Variants in STRN observed in about 807,000 individuals in gnomAD.
STRN encodes protein phosphatase 2 regulatory subunit B'''alpha.
STRN carries 53 observed loss-of-function variants against 96.3 expected under a neutral mutation model. That is an observed-to-expected ratio of 0.55 (90% CI 0.44 to 0.69). The LOEUF is 0.69. Among genes scored for constraint, STRN ranks in the 30% least tolerant of loss-of-function variants. The pLI is 0.00. For synonymous variants in STRN, 428 were observed against 355.9 expected, an observed-to-expected ratio of 1.20 and a Z score of -2.28; for missense variants, 987 against 963.9, an observed-to-expected ratio of 1.02 and a Z score of -0.32.
chr2:36,912,711 T>C (rs1407257719), intron 3 of STRN, among the ~76,000 whole-genome samples: 1 of 152,204 alleles, frequency 6.6e-6, no homozygotes, highest in African/African-American at 2.4e-5. Flanking sequence ...GCCTCTCAAA[T>C]TTATGTCTCT....
intron 3 of STRN, among the ~76,000 whole-genome samples, chr2:36,914,670 G>A (rs762950067): frequency 1.3e-5 from 2 of 152,070 alleles, no homozygotes; most frequent in Non-Finnish European, 2.9e-5. Context: ...AAGTCATTTT[G>A]GAAAGTTCTT....
intron 12 of STRN, among the ~76,000 whole-genome samples, chr2:36,861,715 A>G (rs1319713776): frequency 7.6e-6 from 1 of 131,902 alleles, no homozygotes; most frequent in Non-Finnish European, 1.6e-5. Context: ...AAAAAATGCA[A>G]TGTATCATTG....
rs1207183362 is a variant in STRN, at chr2:36,844,685, T to C, written c.*4771A>G. 6.6e-6 allele frequency: 1 copy of C among 151,960 alleles called. No homozygotes were observed. The highest frequency in any genetic ancestry group is 1.5e-5 in the Non-Finnish European group (1 of 67,962). The allele number at this position is 151,960 out of a possible 1,614,324, so 9.4% of individuals were successfully genotyped here. A position where few individuals can be genotyped will look rare whatever the true frequency, so the allele number is the denominator to read the frequency against. On this transcript the variant is annotated 3_prime_UTR_variant, in exon 18 of 18. Coordinates refer to ENST00000263918, the MANE Select transcript of STRN (RefSeq NM_003162.4). ...GGCCTAACATTTGTTTTTTTTAGAA[T>C]TAAAAAAACAAAACAAAAACTGAAA... is the stretch of plus-strand genomic sequence containing the variant.
Position 36,849,313 on chromosome 2 carries a change from A to G in STRN, c.*143T>C. On this transcript the variant is annotated 3_prime_UTR_variant, in exon 18 of 18. Transcript: ENST00000263918. The stretch of plus-strand genomic sequence containing the variant: ...TTTAGAAAACAGTATATGAATTGCA[A>G]AACTATACTTCAACAAATGTTCTCT... The G allele has an allele frequency of 9.9e-7, 1 of 1,010,102 alleles. No individual in the cohort carries two copies. Among genetic ancestry groups the G allele is most frequent in the Non-Finnish European group, 1.4e-6 (1 of 705,560 alleles). The allele number at this position is 1,010,102 out of a possible 1,614,324, so 62.6% of individuals were successfully genotyped here.
intron 14 of STRN, 70 bp downstream of exon 14, chr2:36,857,786 T>G (rs532991034): frequency 2.3e-6 from 3 of 1,306,780 alleles, no homozygotes; most frequent in Non-Finnish European, 3.1e-6. Flanking sequence ...GAATCATTTA[T>G]CTGCTTGCTT....
intron 4 of STRN, among the ~76,000 whole-genome samples, chr2:36,904,436 A>C (rs1308356220): frequency 6.6e-6 from 1 of 152,236 alleles, no homozygotes; most frequent in African/African-American, 2.4e-5. Flanking sequence ...TTCAAGAACC[A>C]GGCACTGAGC....
chr2:36,895,945 G>C (rs796149937), intron 6 of STRN, among the ~76,000 whole-genome samples: 1 of 151,730 alleles, frequency 6.6e-6, no homozygotes, highest in Admixed American at 6.6e-5. Flanking sequence ...AAAAAAACAG[G>C]TGTATCTGAA....
At chr2:36,963,924 G>A (rs1665090515) in intron 1 of STRN, among the ~76,000 whole-genome samples, 1 of 151,990 alleles carries the variant, frequency 6.6e-6, no homozygotes, top group Admixed American at 6.6e-5. Context: ...GGGAGGCGGA[G>A]GTTGCAGTGA....
intron 8 of STRN, among the ~76,000 whole-genome samples, chr2:36,886,484 T>C (rs1183331318): frequency 1.3e-5 from 2 of 152,236 alleles, no homozygotes; most frequent in Non-Finnish European, 2.9e-5. Flanking sequence ...TCTGGATTTA[T>C]TATTGGGATA....
chr2:36,915,308 G>A (rs569469096), intron 3 of STRN, among the ~76,000 whole-genome samples: 1 of 134,600 alleles, frequency 7.4e-6, no homozygotes, highest in African/African-American at 2.7e-5. Context: ...TTCAGTAAAT[G>A]ATATAAATGA....
At chr2:36,955,556 CT>C (rs1175390722) in intron 1 of STRN, among the ~76,000 whole-genome samples, 1 of 152,150 alleles carries the variant, frequency 6.6e-6, no homozygotes, top group Admixed American at 6.5e-5. Context: ...CTTTCCACCC[CT>C]CTCCTCCCTT....
intron 1 of STRN, among the ~76,000 whole-genome samples, chr2:36,936,007 A>G (rs897781566): frequency 3.9e-5 from 6 of 152,092 alleles, no homozygotes; most frequent in Non-Finnish European, 8.8e-5. Context: ...ATAAATTTAT[A>G]AATATTTTAA....
chr2:36,856,466 AAAT>A (rs1668344235), intron 14 of STRN, among the ~76,000 whole-genome samples: 1 of 152,254 alleles, frequency 6.6e-6, no homozygotes, highest in Admixed American at 6.5e-5. Context: ...AAAATGAAAG[AAAT>A]AATTGATATA....
At chr2:36,928,931 G>C (rs1366771492) in intron 1 of STRN, among the ~76,000 whole-genome samples, 3 of 144,220 alleles carry the variant, frequency 2.1e-5, no homozygotes, top group South Asian at 4.4e-4. Context: ...CTGGGCAACA[G>C]AGTGAGACTC....
intron 3 of STRN, among the ~76,000 whole-genome samples, chr2:36,907,492 G>A (rs564416258): frequency 3.0e-4 from 45 of 152,030 alleles, no homozygotes; most frequent in African/African-American, 9.6e-4. Context: ...AGGTTGCAGT[G>A]AGCCGAGATG....
At chr2:36,887,326 C>T (rs115429092) in intron 7 of STRN, among the ~76,000 whole-genome samples, 4,089 of 147,228 alleles carry the variant, frequency 0.028, 96 homozygotes, top group Middle Eastern at 0.042. Context: ...CAAAATTAGC[C>T]GGGCATGGTA....
chr2:36,861,312 A>G, intron 12 of STRN, 59 bp from the exon 13 acceptor site: 2 of 1,573,766 alleles, frequency 1.3e-6, no homozygotes, highest in Non-Finnish European at 1.7e-6. Flanking sequence ...TGATAATATG[A>G]CTTGTTAAAA....
intron 10 of STRN, among the ~76,000 whole-genome samples, chr2:36,872,046 G>A (rs568917799): frequency 1.2e-3 from 179 of 152,310 alleles, no homozygotes; most frequent in Middle Eastern, 6.8e-3. Flanking sequence ...TCATGTGAAA[G>A]AGCAATCAAA....
At position 36,851,063 on chromosome 2, in the gene STRN, T is replaced by A; in HGVS notation, c.2023A>T (p.Thr675Ser). ...CQINRVISHP[T>S]LPISITAHED... ...TGAGCAGTGATGCTGATCGGAAGAG[T>A]AGGATGACTGATGACTCTATTTATT... The change falls in exon 16 of 18, where the codon ACT becomes TCT. Residue 675 changes from threonine to serine, a missense_variant. Thr to Ser is a moderately conservative substitution (Grantham distance 58). Coordinates refer to ENST00000263918, the MANE Select transcript of STRN (RefSeq NM_003162.4). 1.2e-6 allele frequency: 2 copies of A among 1,613,190 alleles called. No individual in the cohort carries two copies. The highest frequency in any genetic ancestry group is 1.1e-5 in the South Asian group (1 of 91,018).
Sources: gnomAD v4.1 joint callset for allele counts (sites outside exome capture counted in the v4.1 genomes callset) on GRCh38, gnomAD v4.1.1 for gene constraint, MANE v1.5 for transcripts, NCBI Gene and HGNC (gene_info 2026-07-23, HGNC 2026-07-21) for gene names.